The following ARK2C variants were observed in gnomAD, a reference collection of about 807,000 sequenced individuals.
ARK2C encodes the protein E3 ubiquitin-protein ligase ARK2C.
the ARK2C span, chr18:46,334,032 C>A: frequency 6.6e-6 from 1 of 151,268 alleles, no homozygotes; most frequent in African/African-American, 2.4e-5. The surrounding 1 kb of genome is among the most constrained non-coding windows in gnomAD (Gnocchi z 4.4). Flanking sequence ...GCTGCGCGCG[C>A]CTTTGTGTGG....
At chr18:46,456,946 A>C in the ARK2C span, 1 of 380,128 alleles carries the variant, frequency 2.6e-6, no homozygotes, top group Non-Finnish European at 5.0e-6. Context: ...TCCTGAAGGC[A>C]CTAGCTGACA....
At chr18:46,430,908 T>C in the ARK2C span, among the ~76,000 whole-genome samples, 3 of 152,192 alleles carry the variant, frequency 2.0e-5, no homozygotes, top group African/African-American at 7.2e-5. Flanking sequence ...TGTTTAAAAA[T>C]TATTCTTTAA....
chr18:46,372,076 G>T, the ARK2C span, among the ~76,000 whole-genome samples: 1 of 152,200 alleles, frequency 6.6e-6, no homozygotes, highest in Non-Finnish European at 1.5e-5. Context: ...GTAGAAGAAA[G>T]GGACTGGCAT....
At chr18:46,347,494 G>A in the ARK2C span, among the ~76,000 whole-genome samples, 1 of 152,190 alleles carries the variant, frequency 6.6e-6, no homozygotes, top group African/African-American at 2.4e-5. Context: ...AGGGAGCTGG[G>A]GGCTTCGTGT....
At chr18:46,379,527 G>A in the ARK2C span, among the ~76,000 whole-genome samples, 1 of 152,138 alleles carries the variant, frequency 6.6e-6, no homozygotes, top group Admixed American at 6.6e-5. Context: ...AACGGCTTCC[G>A]GGCCTGGCCA....
At chr18:46,334,671 CGTGTGTGTGTGTGTGT>C in the ARK2C span, 60 of 304,794 alleles carry the variant, frequency 2.0e-4, 1 homozygote, top group South Asian at 1.6e-3. This position sits in a 1 kb window ranked among gnomAD's most constrained non-coding sequence, Gnocchi z 4.4. Flanking sequence ...GATACATGAC[CGTGTGTGTGTGTGTGT>C]GTGTGTGTGT....
chr18:46,447,304 G>A, the ARK2C span: 6 of 417,632 alleles, frequency 1.4e-5, no homozygotes, highest in African/African-American at 6.0e-5. Flanking sequence ...TTGGGAGGGA[G>A]CTTTGGTCCC....
chr18:46,346,716 G>A, the ARK2C span, among the ~76,000 whole-genome samples: 1 of 152,184 alleles, frequency 6.6e-6, no homozygotes, highest in African/African-American at 2.4e-5. Flanking sequence ...GAAATCCTGG[G>A]AAGTGTTTAG....
At chr18:46,397,371 C>G in the ARK2C span, among the ~76,000 whole-genome samples, 3 of 149,500 alleles carry the variant, frequency 2.0e-5, no homozygotes, top group Non-Finnish European at 4.5e-5. Context: ...GGAAGGGTGC[C>G]TGTGTGTGTG....
chr18:46,368,027 C>T, the ARK2C span, among the ~76,000 whole-genome samples: 5 of 152,204 alleles, frequency 3.3e-5, no homozygotes, highest in Non-Finnish European at 7.3e-5. Context: ...CATGCAGATT[C>T]CTGGGCCTGG....
chr18:46,377,445 G>C, the ARK2C span, among the ~76,000 whole-genome samples: 2 of 152,188 alleles, frequency 1.3e-5, no homozygotes, highest in Non-Finnish European at 2.9e-5. Context: ...TCTGTGTGGA[G>C]CATCCCGAGA....
At chr18:46,357,787 C>T in the ARK2C span, among the ~76,000 whole-genome samples, 1 of 152,362 alleles carries the variant, frequency 6.6e-6, no homozygotes, top group Middle Eastern at 3.4e-3. Context: ...TGGCTTTAGA[C>T]AACAGAAGTG....
the ARK2C span, chr18:46,456,951 C>T: frequency 5.4e-6 from 2 of 373,280 alleles, no homozygotes; most frequent in African/African-American, 4.1e-5. Context: ...AAGGCACTAG[C>T]TGACAGACGG....
chr18:46,434,840 C>T, the ARK2C span, among the ~76,000 whole-genome samples: 206 of 152,160 alleles, frequency 1.4e-3, 1 homozygote, highest in African/African-American at 4.7e-3. Flanking sequence ...AGGCTTTGAC[C>T]TGTGCCATGA....
chr18:46,404,622 G>T, the ARK2C span, among the ~76,000 whole-genome samples: 1 of 152,056 alleles, frequency 6.6e-6, no homozygotes, highest in African/African-American at 2.4e-5. Flanking sequence ...GCATGGTGGC[G>T]GGAGCCTGTA....
At chr18:46,439,314 C>T in the ARK2C span, among the ~76,000 whole-genome samples, 1 of 152,306 alleles carries the variant, frequency 6.6e-6, no homozygotes, top group South Asian at 2.1e-4. Flanking sequence ...GGGATCCAGG[C>T]TCAGTAGCAG....
chr18:46,336,980 T>C, the ARK2C span: 1 of 985,298 alleles, frequency 1.0e-6, no homozygotes, highest in East Asian at 1.1e-4. Context: ...GCCATGGCCA[T>C]AGCGTCTTAA....
the ARK2C span, among the ~76,000 whole-genome samples, chr18:46,434,719 A>G: frequency 1.3e-5 from 2 of 152,172 alleles, no homozygotes; most frequent in African/African-American, 4.8e-5. Flanking sequence ...CTAAGCATAC[A>G]TGACCATAGG....
the ARK2C span, chr18:46,461,731 G>A: frequency 6.6e-5 from 10 of 151,978 alleles, no homozygotes; most frequent in African/African-American, 2.4e-4. Flanking sequence ...GAAGAATAGA[G>A]AGAGTGAGCT....
Sources: gnomAD v4.1 joint callset for allele counts (sites outside exome capture counted in the v4.1 genomes callset) on GRCh38, gnomAD v4.1.1 for gene constraint, Gnocchi (gnomAD v3.1) non-coding constraint, MANE v1.5 for transcripts, NCBI Gene and HGNC (gene_info 2026-07-23, HGNC 2026-07-21) for gene names.